ATP8A2: variants seen among roughly 807,000 people sequenced by gnomAD.
ATP8A2 encodes the protein phospholipid-transporting ATPase IB.
ATP8A2 carries 100 observed loss-of-function variants against 165.6 expected under a neutral mutation model. That is an observed-to-expected ratio of 0.60 (90% confidence interval 0.51 to 0.71). The LOEUF is 0.71. Ranked by LOEUF, ATP8A2 falls within the 30% of genes least tolerant of loss-of-function variation. The pLI is 0.00. For synonymous variants in ATP8A2, 543 were observed against 548.8 expected, an observed-to-expected ratio of 0.99 and a Z score of 0.15; for missense variants, 1,227 against 1,479.5, an observed-to-expected ratio of 0.83 and a Z score of 2.80.
intron 27 of ATP8A2, among the ~76,000 whole-genome samples, chr13:25,824,898 C>T (rs1198365141): frequency 6.6e-6 from 1 of 151,978 alleles, no homozygotes; most frequent in East Asian, 1.9e-4. Flanking sequence ...TCAACCTCTG[C>T]CTCTGCTTGC....
chr13:25,679,054 G>A (rs528204625), intron 24 of ATP8A2, among the ~76,000 whole-genome samples: 1 of 152,272 alleles, frequency 6.6e-6, no homozygotes, highest in East Asian at 1.9e-4. Context: ...AAGGCTTCTA[G>A]TAAGAATTTT....
intron 35 of ATP8A2, among the ~76,000 whole-genome samples, chr13:26,010,259 C>A (rs1566349659): frequency 6.6e-6 from 1 of 152,140 alleles, no homozygotes; most frequent in Non-Finnish European, 1.5e-5. Flanking sequence ...TGTATAATTT[C>A]AATGATCCCT....
At chr13:25,412,841 G>T (rs757376386) in intron 1 of ATP8A2, among the ~76,000 whole-genome samples, 2 of 152,162 alleles carry the variant, frequency 1.3e-5, no homozygotes, top group Admixed American at 1.3e-4. Flanking sequence ...TTTGGGGGGG[G>T]ATGGAGTCTT....
chr13:25,604,818 A>G (rs923343044), intron 24 of ATP8A2, among the ~76,000 whole-genome samples: 3 of 152,194 alleles, frequency 2.0e-5, no homozygotes, highest in African/African-American at 7.2e-5. Flanking sequence ...TTTTTGATAG[A>G]TAGTCCATGT....
intron 1 of ATP8A2, among the ~76,000 whole-genome samples, chr13:25,459,478 A>G (rs961349364): frequency 6.6e-6 from 1 of 152,224 alleles, no homozygotes; most frequent in African/African-American, 2.4e-5. Flanking sequence ...GAAGATGAGC[A>G]TGGGCCCTGC....
intron 24 of ATP8A2, among the ~76,000 whole-genome samples, chr13:25,638,611 A>T (rs1216779888): frequency 6.6e-6 from 1 of 152,182 alleles, no homozygotes; most frequent in Non-Finnish European, 1.5e-5. Flanking sequence ...ACTATGTGAA[A>T]AGACCAAATC....
At position 25,789,707 on chromosome 13, in the gene ATP8A2, C is replaced by T. The variant is rs148632348; in HGVS notation, c.2679+14748C>T. On this transcript the variant is annotated intron_variant, in intron 27 of 36. Coordinates refer to ENST00000381655, the MANE Select transcript of ATP8A2 (RefSeq NM_016529.6). ...CTGTCAAACGACAAGTGACATTCTT[C>T]ATAGTACTAGAAAAAACTTTTAAAA... 3.2e-3 allele frequency among the ~76,000 whole-genome samples: 486 copies of T among 152,314 alleles called. 1 individual carries two copies. The highest frequency in any genetic ancestry group is 0.01 in the Middle Eastern group (3 of 294).
chr13:25,526,457 G>A (rs1414451882), intron 2 of ATP8A2, among the ~76,000 whole-genome samples: 1 of 152,186 alleles, frequency 6.6e-6, no homozygotes, highest in Non-Finnish European at 1.5e-5. Context: ...ATTTGCTTAA[G>A]AGATTCATTG....
At chr13:25,614,111 C>A (rs1306688869) in intron 24 of ATP8A2, among the ~76,000 whole-genome samples, 1 of 152,126 alleles carries the variant, frequency 6.6e-6, no homozygotes, top group African/African-American at 2.4e-5. Flanking sequence ...TCAATTATTC[C>A]CTCAAATACG....
In ATP8A2 at chr13:25,372,678, T is replaced by C. The variant is rs1036195734; in HGVS notation, c.76+390T>C. Among the ~76,000 whole-genome samples, 3 of 152,186 alleles carry C rather than the reference T, an allele frequency of 2.0e-5. No individual in the cohort carries two copies. The highest frequency in any genetic ancestry group is 2.9e-5 in the Non-Finnish European group (2 of 68,022). On this transcript the variant is annotated intron_variant, in intron 1 of 36. Coordinates refer to ENST00000381655, the MANE Select transcript of ATP8A2 (RefSeq NM_016529.6). This position sits in a 1 kb window ranked among gnomAD's most constrained non-coding sequence, Gnocchi z 4.8. ...GCACGGTTTGGCGGCGCAGAGAAGA[T>C]GCAGCCTTCCCTGCCGGCGGCCGGC...
chr13:25,972,622 C>T (rs935383790), intron 35 of ATP8A2, among the ~76,000 whole-genome samples: 1 of 152,182 alleles, frequency 6.6e-6, no homozygotes, highest in African/African-American at 2.4e-5. Flanking sequence ...CAGGAACCCC[C>T]CCGCACCGCA....
intron 36 of ATP8A2, among the ~76,000 whole-genome samples, chr13:26,015,911 G>C (rs575210243): frequency 6.6e-6 from 1 of 152,336 alleles, no homozygotes; most frequent in South Asian, 2.1e-4. Flanking sequence ...GCAAATGACA[G>C]TTAAAGGTTC....
intron 32 of ATP8A2, among the ~76,000 whole-genome samples, chr13:25,861,139 C>T (rs1177920263): frequency 6.6e-6 from 1 of 152,136 alleles, no homozygotes; most frequent in Non-Finnish European, 1.5e-5. Flanking sequence ...TATACACACA[C>T]ATATATGGAA....
At chr13:25,479,599 ACAAAGGTCTCTGGTTTTCCTAGG>A (rs2036099287) in intron 2 of ATP8A2, among the ~76,000 whole-genome samples, 1 of 151,974 alleles carries the variant, frequency 6.6e-6, no homozygotes, top group African/African-American at 2.4e-5. Context: ...AAACAAGTGA[ACAAAGGTCTCTGGTTTTCCTAGG>A]CAGAGGACCC....
intron 25 of ATP8A2, among the ~76,000 whole-genome samples, chr13:25,746,879 T>C (rs1280952238): frequency 1.3e-5 from 2 of 152,212 alleles, no homozygotes; most frequent in African/African-American, 4.8e-5. Flanking sequence ...ATGTTAAACA[T>C]TGTGCTAGAT....
chr13:26,016,730 C>T (rs936058780), intron 36 of ATP8A2, among the ~76,000 whole-genome samples: 5 of 152,064 alleles, frequency 3.3e-5, no homozygotes, highest in African/African-American at 9.7e-5. Context: ...CTGTTGACAC[C>T]GACCCTTTCT....
chr13:25,445,617 T>A (rs185741656), intron 1 of ATP8A2, among the ~76,000 whole-genome samples: 3 of 152,356 alleles, frequency 2.0e-5, no homozygotes, highest in Admixed American at 1.3e-4. Context: ...ACTCTTACTA[T>A]GCTTCTTAAA....
chr13:25,462,456 G>T (rs2137485819), intron 1 of ATP8A2, among the ~76,000 whole-genome samples: 1 of 149,060 alleles, frequency 6.7e-6, no homozygotes, highest in South Asian at 2.2e-4. Context: ...TGGAGATGCA[G>T]AGGTTGAGAT....
chr13:25,648,935 A>G, intron 24 of ATP8A2: 1 of 448,188 alleles, frequency 2.2e-6, no homozygotes, highest in Non-Finnish European at 4.5e-6. Flanking sequence ...TTATGACTGT[A>G]TTCTTGCAGT....
Sources: gnomAD v4.1 joint callset for allele counts (sites outside exome capture counted in the v4.1 genomes callset) on GRCh38, gnomAD v4.1.1 for gene constraint, Gnocchi (gnomAD v3.1) non-coding constraint, MANE v1.5 for transcripts, NCBI Gene and HGNC (gene_info 2026-07-23, HGNC 2026-07-21) for gene names.